SMAD3: variants seen among roughly 807,000 people sequenced by gnomAD.
SMAD3 encodes MAD homolog 3.
A neutral mutation model predicts 51.8 loss-of-function variants in SMAD3; 12 were observed. The ratio of observed to expected loss-of-function variants is 0.23; its 90% CI spans 0.15 to 0.38. The LOEUF is 0.38. Among genes scored for constraint, SMAD3 ranks in the 10% least tolerant of loss-of-function variants. The pLI is 1.00. For synonymous variants in SMAD3, 238 were observed against 227.7 expected, an observed-to-expected ratio of 1.05 and a Z score of -0.41; for missense variants, 294 against 565.6, an observed-to-expected ratio of 0.52 and a Z score of 4.87.
intron 1 of SMAD3, chr15:67,098,463 T>C: frequency 9.3e-6 from 2 of 214,932 alleles, no homozygotes; most frequent in Admixed American, 1.1e-4. Flanking sequence ...CAGCTTGTGG[T>C]TGAGAAATGA....
At position 67,195,142 on chromosome 15, in the gene SMAD3, G is replaced by A. The variant is rs1467089012; in HGVS notation, c.*4606G>A. The A allele has an allele frequency of 4.3e-6, 1 of 232,868 alleles. No homozygotes were observed. Among genetic ancestry groups the A allele is most frequent in the Non-Finnish European group, 8.5e-6 (1 of 117,548 alleles). 14.4% of individuals were successfully genotyped at this position (232,868 alleles called of 1,614,324 possible). A position where few individuals can be genotyped will look rare whatever the true frequency, so the allele number is the denominator to read the frequency against. ...CATTCCCTCTCTTCCTCTTGTAAGT[G>A]CCCTTCTAATAAACTTTTCATGGAA... On this transcript the variant is annotated 3_prime_UTR_variant, in exon 9 of 9. Transcript: ENST00000327367.
Position 67,192,385 on chromosome 15 carries a change from A to G in SMAD3, c.*1849A>G, listed in dbSNP as rs996143513. ...GAGGGTTGACTCAGAACCCAGAGAC[A>G]ATACAAAACCCCTCACTTCCTCTGA... is the stretch of plus-strand genomic sequence containing the variant. On this transcript the variant is annotated 3_prime_UTR_variant, in exon 9 of 9. Transcript: ENST00000327367. 4.3e-6 allele frequency: 1 copy of G among 233,312 alleles called. No homozygotes were observed. The highest frequency in any genetic ancestry group is 1.3e-3 in the Middle Eastern group (1 of 786). 14.5% of individuals were successfully genotyped at this position (233,312 alleles called of 1,614,324 possible).
chr15:67,153,142 A>C (rs1162986232), intron 1 of SMAD3, among the ~76,000 whole-genome samples: 1 of 152,168 alleles, frequency 6.6e-6, no homozygotes, highest in Non-Finnish European at 1.5e-5. Flanking sequence ...GGATCCCTTT[A>C]TCCAGTGAGT....
intron 7 of SMAD3, 124 bp from the exon 8 acceptor site, chr15:67,187,241 C>T: frequency 2.6e-6 from 3 of 1,145,096 alleles, no homozygotes; most frequent in African/African-American, 1.5e-5. Flanking sequence ...CATCACACAC[C>T]ATGTGTCCCT....
At position 67,190,541 on chromosome 15, in the gene SMAD3, A is replaced by G; in HGVS notation, c.*5A>G. 1 of 1,614,060 alleles carries G rather than the reference A, an allele frequency of 6.2e-7. No individual in the cohort carries two copies. Among genetic ancestry groups the G allele is most frequent in the South Asian group, 1.1e-5 (1 of 91,064 alleles). ...CGCTGTTCCAGTGTGTCTTAGAGAC[A>G]TCAAGTATGGTAGGGGAGGGCAGGC... On this transcript the variant is annotated 3_prime_UTR_variant, in exon 9 of 9. Transcript: ENST00000327367.
intron 1 of SMAD3, among the ~76,000 whole-genome samples, chr15:67,100,590 A>G (rs1960731852): frequency 6.6e-6 from 1 of 152,090 alleles, no homozygotes; most frequent in Non-Finnish European, 1.5e-5. Context: ...ATATACTGTG[A>G]TATATTGTGA....
intron 1 of SMAD3, among the ~76,000 whole-genome samples, chr15:67,130,221 CA>C (rs1410341766): frequency 1.3e-5 from 2 of 152,198 alleles, no homozygotes; most frequent in African/African-American, 4.8e-5. Flanking sequence ...AGAGGCCCAG[CA>C]ACTTACCCAA....
rs1961900297 is a variant in SMAD3, at chr15:67,143,837, A to G, written c.207-21058A>G. ...GCTCCTGCCGCCACACACAGATCATAATGTGATCTGCAACCTCCGCCTCCT... is the reference window on the plus strand; with the variant it reads ...GCTCCTGCCGCCACACACAGATCATGATGTGATCTGCAACCTCCGCCTCCT... On this transcript the variant is annotated intron_variant, in intron 1 of 8. Coordinates refer to ENST00000327367, the MANE Select transcript of SMAD3 (RefSeq NM_005902.4). 2.0e-5 allele frequency among the ~76,000 whole-genome samples: 3 copies of G among 150,968 alleles called. No individual in the cohort carries two copies. In the South Asian group the frequency reaches 6.3e-4, roughly 32 times the overall value.
chr15:67,085,152 T>C (rs12324036), intron 1 of SMAD3, among the ~76,000 whole-genome samples: 83,056 of 152,008 alleles, frequency 0.55, 22,918 homozygotes, highest in South Asian at 0.73. Flanking sequence ...GTGAAGCATT[T>C]AGAGGATGGC....
intron 1 of SMAD3, among the ~76,000 whole-genome samples, chr15:67,085,576 A>G (rs1044993208): frequency 1.3e-5 from 2 of 152,146 alleles, no homozygotes; most frequent in African/African-American, 4.8e-5. Context: ...TGTGAGGGCT[A>G]GGATTCTTGA....
intron 1 of SMAD3, among the ~76,000 whole-genome samples, chr15:67,097,865 G>A (rs1308991278): frequency 2.0e-5 from 3 of 152,164 alleles, no homozygotes; most frequent in Non-Finnish European, 4.4e-5. Flanking sequence ...CGATTCTAGG[G>A]AGCCTCTGCC....
rs1224939970 is a variant in SMAD3, at chr15:67,164,898, C to T, written c.210C>T (p.Ser70=). 1.9e-5 allele frequency: 30 copies of T among 1,612,810 alleles called. No individual in the cohort carries two copies. The highest frequency in any genetic ancestry group is 2.5e-5 in the Non-Finnish European group (29 of 1,180,044). The stretch of plus-strand genomic sequence containing the variant: ...CTGCCCCTCCCCGTCCTGGCAGGTC[C>T]CTGGATGGCCGGTTGCAGGTGTCCC... ...VNTKCITIPR[S]LDGRLQVSHR... The change falls in exon 2 of 9, where the codon TCC becomes TCT. Residue 70 remains serine, a synonymous_variant. Transcript: ENST00000327367.
chr15:67,075,627 C>T (rs1173398012), intron 1 of SMAD3, among the ~76,000 whole-genome samples: 1 of 152,104 alleles, frequency 6.6e-6, no homozygotes, highest in Non-Finnish European at 1.5e-5. Flanking sequence ...AGAAATCAAC[C>T]CAAGTGGCCG....
chr15:67,180,141 T>C (rs914402255), intron 5 of SMAD3, among the ~76,000 whole-genome samples: 8 of 152,204 alleles, frequency 5.3e-5, no homozygotes, highest in African/African-American at 1.7e-4. Flanking sequence ...CGCCCAGCAG[T>C]CAGTGCAGTG....
At chr15:67,085,072 A>G (rs1190572596) in intron 1 of SMAD3, among the ~76,000 whole-genome samples, 1 of 152,210 alleles carries the variant, frequency 6.6e-6, no homozygotes, top group East Asian at 1.9e-4. Flanking sequence ...ATCTTTAAAG[A>G]GAAGCACTAT....
intron 1 of SMAD3, among the ~76,000 whole-genome samples, chr15:67,087,838 G>A (rs574023465): frequency 1.3e-5 from 2 of 152,332 alleles, no homozygotes; most frequent in South Asian, 4.1e-4. Context: ...TAAGTTTCCA[G>A]TAAACATCTC....
intron 1 of SMAD3, among the ~76,000 whole-genome samples, chr15:67,090,232 G>C (rs932907965): frequency 6.6e-5 from 10 of 152,132 alleles, no homozygotes; most frequent in Admixed American, 2.6e-4. Context: ...GAATCTTGGT[G>C]CCTCTCCTGG....
intron 1 of SMAD3, among the ~76,000 whole-genome samples, chr15:67,067,262 TC>T (rs1382601113): frequency 2.0e-5 from 3 of 152,156 alleles, no homozygotes; most frequent in Admixed American, 6.5e-5. Context: ...CCTTTATCCT[TC>T]CCGTTGCGCG....
At chr15:67,189,278 C>G (rs566412974) in intron 8 of SMAD3, among the ~76,000 whole-genome samples, 49 of 152,294 alleles carry the variant, frequency 3.2e-4, no homozygotes, top group African/African-American at 1.2e-3. Context: ...GCAGACACCC[C>G]AGGGTCTGTC....
Sources: allele counts gnomAD v4.1 joint callset (sites outside exome capture counted in the v4.1 genomes callset), GRCh38; gene constraint gnomAD v4.1.1; transcripts MANE v1.5; gene names NCBI Gene and HGNC (gene_info 2026-07-23, HGNC 2026-07-21).